RCAN2: variants seen among roughly 807,000 people sequenced by gnomAD.
RCAN2 encodes the protein calcipressin-2.
RCAN2 carries 9 observed loss-of-function variants against 23.6 expected under a neutral mutation model. The ratio of observed to expected loss-of-function variants is 0.38; its 90% CI spans 0.23 to 0.67. RCAN2 has a LOEUF of 0.67. RCAN2 is among the 30% of genes least tolerant of loss of function. The pLI is 0.51. For synonymous variants in RCAN2, 109 were observed against 115.7 expected (o/e 0.94, Z 0.37); for missense variants, 273 against 302.3 (o/e 0.90, Z 0.72).
intron 2 of RCAN2, among the ~76,000 whole-genome samples, chr6:46,286,075 A>G (rs894294014): frequency 6.6e-6 from 1 of 152,246 alleles, no homozygotes. Context: ...AGTTTAGCCT[A>G]AAGTTGCCTC....
At chr6:46,360,797 A>G (rs1471985451) in intron 2 of RCAN2, among the ~76,000 whole-genome samples, 2 of 152,220 alleles carry the variant, frequency 1.3e-5, no homozygotes, top group African/African-American at 4.8e-5. Context: ...TTCATTTGCT[A>G]TAGTGGGAAG....
rs372600114 is a variant in RCAN2, at chr6:46,442,661, A to G, written c.225+14091T>C. On this transcript the variant is annotated intron_variant, in intron 2 of 4. Transcript: ENST00000371374. ...CATACCAGAATAAATGGAATATGGCAGTCATCTTTCACCAAGTGTCATCAA... is the reference window on the plus strand; with the variant it reads ...CATACCAGAATAAATGGAATATGGCGGTCATCTTTCACCAAGTGTCATCAA... Among the ~76,000 whole-genome samples the G allele has an allele frequency of 1.3e-4, 20 of 152,354 alleles. No homozygotes were observed. The South Asian group carries it at 2.9e-3, about 22-fold the overall frequency.
intron 2 of RCAN2, among the ~76,000 whole-genome samples, chr6:46,306,330 A>T (rs1161710217): frequency 6.6e-6 from 1 of 152,158 alleles, no homozygotes; most frequent in African/African-American, 2.4e-5. Context: ...TGATGAAGAA[A>T]GATGACCCAC....
intron 2 of RCAN2, among the ~76,000 whole-genome samples, chr6:46,375,011 A>G (rs1352552381): frequency 6.6e-6 from 1 of 152,120 alleles, no homozygotes; most frequent in Non-Finnish European, 1.5e-5. Context: ...GGTTCAAGCA[A>G]TTCTCCTACC....
At chr6:46,273,687 C>G (rs1009814122) in intron 2 of RCAN2, among the ~76,000 whole-genome samples, 3 of 152,082 alleles carry the variant, frequency 2.0e-5, no homozygotes, top group Non-Finnish European at 2.9e-5. Context: ...TTATAAATAT[C>G]TCAGGACCAT....
At chr6:46,260,217 TGAG>T (rs1185615116) in intron 2 of RCAN2, among the ~76,000 whole-genome samples, 8 of 152,022 alleles carry the variant, frequency 5.3e-5, no homozygotes, top group Non-Finnish European at 1.0e-4. Flanking sequence ...CACTTATCAC[TGAG>T]GAGATTTTCC....
chr6:46,369,980 A>G (rs1765283073), intron 2 of RCAN2, among the ~76,000 whole-genome samples: 1 of 152,124 alleles, frequency 6.6e-6, no homozygotes. Flanking sequence ...GGCTTGGAGG[A>G]CACTGCTTTG....
intron 3 of RCAN2, 124 bp from the exon 4 acceptor site, chr6:46,247,043 A>T: frequency 1.4e-6 from 1 of 737,414 alleles, no homozygotes; most frequent in Non-Finnish European, 2.2e-6. Context: ...CGACCGTAAT[A>T]ATAATTACCA....
intron 2 of RCAN2, among the ~76,000 whole-genome samples, chr6:46,319,002 G>A (rs1015857499): frequency 1.3e-5 from 2 of 152,106 alleles, no homozygotes; most frequent in Non-Finnish European, 1.5e-5. Flanking sequence ...ACCTCTCCAT[G>A]TGTTTTTAAA....
Position 46,222,049 on chromosome 6 carries a change from C to T in RCAN2, c.*1092G>A, listed in dbSNP as rs1581997363. ...CTTCATCCCAATAATCTACAACTGA[C>T]ACTTGCATCTTTATTTAAAAACAAG... On this transcript the variant is annotated 3_prime_UTR_variant, in exon 5 of 5. Transcript: ENST00000371374. The T allele has an allele frequency of 2.5e-6, 1 of 398,370 alleles. No individual in the cohort carries two copies. Among genetic ancestry groups the T allele is most frequent in the Non-Finnish European group, 4.4e-6 (1 of 225,906 alleles). 24.7% of individuals were successfully genotyped at this position (398,370 alleles called of 1,614,324 possible). A position where few individuals can be genotyped will look rare whatever the true frequency, so the allele number is the denominator to read the frequency against.
At chr6:46,274,478 T>C (rs1767622874) in intron 2 of RCAN2, among the ~76,000 whole-genome samples, 1 of 152,160 alleles carries the variant, frequency 6.6e-6, no homozygotes, top group Non-Finnish European at 1.5e-5. Context: ...GTAGGAGAGT[T>C]AGAGAAGGGA....
At chr6:46,317,788 C>T (rs963640579) in intron 2 of RCAN2, among the ~76,000 whole-genome samples, 1 of 152,192 alleles carries the variant, frequency 6.6e-6, no homozygotes, top group Non-Finnish European at 1.5e-5. Flanking sequence ...TTGATTAATG[C>T]TTTATTAATT....
At position 46,381,632 on chromosome 6, in the gene RCAN2, T is replaced by TA. The variant is rs1431011887; in HGVS notation, c.225+75119dup. ...ACTTAGCTTCTTATAGTGCTACTAT[T>TA]ACTATTGGAAAAAATAAGTCTCTCA... On this transcript the variant is annotated intron_variant, in intron 2 of 4. Transcript: ENST00000371374. Among the ~76,000 whole-genome samples the TA allele has an allele frequency of 2.6e-5, 4 of 152,156 alleles. No individual in the cohort carries two copies. In the East Asian group the frequency reaches 7.7e-4, roughly 29 times the overall value.
chr6:46,403,011 C>A (rs1766301296), intron 2 of RCAN2, among the ~76,000 whole-genome samples: 2 of 151,606 alleles, frequency 1.3e-5, no homozygotes, highest in South Asian at 4.2e-4. Context: ...GTTACCCAGG[C>A]TGGAGTGCAG....
chr6:46,486,976 C>T (rs933329912), intron 1 of RCAN2, among the ~76,000 whole-genome samples: 1 of 152,146 alleles, frequency 6.6e-6, no homozygotes, highest in African/African-American at 2.4e-5. Flanking sequence ...ATTTAACTTA[C>T]AATATATGAC....
At chr6:46,313,225 T>G (rs907478555) in intron 2 of RCAN2, among the ~76,000 whole-genome samples, 26 of 152,166 alleles carry the variant, frequency 1.7e-4, no homozygotes, top group Non-Finnish European at 8.8e-5. Context: ...CTTACAGGCT[T>G]CCATAGTGTA....
intron 1 of RCAN2, among the ~76,000 whole-genome samples, chr6:46,468,633 G>T (rs985756541): frequency 1.3e-5 from 2 of 152,192 alleles, no homozygotes; most frequent in Non-Finnish European, 2.9e-5. Flanking sequence ...CCTTCCATAT[G>T]TTGAGCATAC....
At chr6:46,339,977 ACT>A (rs1764256846) in intron 2 of RCAN2, among the ~76,000 whole-genome samples, 1 of 151,942 alleles carries the variant, frequency 6.6e-6, no homozygotes, top group Non-Finnish European at 1.5e-5. Context: ...CTGCTGCCCC[ACT>A]AGATGGTATA....
At chr6:46,380,467 T>C (rs940133750) in intron 2 of RCAN2, among the ~76,000 whole-genome samples, 1 of 152,228 alleles carries the variant, frequency 6.6e-6, no homozygotes, top group Non-Finnish European at 1.5e-5. Context: ...GTTCTCAAAG[T>C]GTGTCCTCTG....
Sources: allele counts gnomAD v4.1 joint callset (sites outside exome capture counted in the v4.1 genomes callset), GRCh38; gene constraint gnomAD v4.1.1; transcripts MANE v1.5; gene names NCBI Gene and HGNC (gene_info 2026-07-23, HGNC 2026-07-21).